TUSC3: variants seen among roughly 807,000 people sequenced by gnomAD.
TUSC3 encodes tumor suppressor candidate 3, also known as dolichyl-diphosphooligosaccharide--protein glycosyltransferase subunit TUSC3.
Under a neutral mutation model 44.8 loss-of-function variants are expected in TUSC3, and 45 were observed. The observed-to-expected ratio is 1.00, with a 90% confidence interval of 0.79 to 1.29. The LOEUF (loss-of-function observed/expected upper bound fraction) is 1.29. Among genes scored for constraint, TUSC3 ranks in the 50% most tolerant of loss-of-function variants. The probability of loss-of-function intolerance (pLI) is 0.00; values close to 1 mark genes in which losing one functional copy is unlikely to be tolerated. For missense variants in TUSC3, 519 were observed against 437.9 expected, an observed-to-expected ratio of 1.19 and a Z score of -1.65; for synonymous variants, 212 against 152.9, an observed-to-expected ratio of 1.39 and a Z score of -2.85.
chr8:15,603,602 T>C (rs778426206), intron 1 of TUSC3, among the ~76,000 whole-genome samples: 1 of 151,628 alleles, frequency 6.6e-6, no homozygotes, highest in Non-Finnish European at 1.5e-5. Flanking sequence ...TATAAAAATA[T>C]GATATGGTAA....
chr8:15,679,615 A>AT (rs1244300225), intron 6 of TUSC3, among the ~76,000 whole-genome samples: 1 of 152,030 alleles, frequency 6.6e-6, no homozygotes, highest in Non-Finnish European at 1.5e-5. Context: ...CCACTTGTCA[A>AT]TTTTTGTTTT....
intron 3 of TUSC3, among the ~76,000 whole-genome samples, chr8:15,654,550 A>G (rs1807070112): frequency 1.3e-5 from 2 of 152,224 alleles, no homozygotes; most frequent in South Asian, 4.1e-4. Flanking sequence ...TTTACAAATC[A>G]GTCTTCTAAT....
upstream of TUSC3, among the ~76,000 whole-genome samples, chr8:15,536,878 C>G (rs59776978): frequency 6.6e-6 from 1 of 151,540 alleles, no homozygotes; most frequent in Admixed American, 6.6e-5. Flanking sequence ...AAATTCTCAT[C>G]AGATGGATTT....
At chr8:15,739,240 CTA>C (rs749510608) in intron 7 of TUSC3, among the ~76,000 whole-genome samples, 9 of 152,042 alleles carry the variant, frequency 5.9e-5, no homozygotes, top group Non-Finnish European at 1.2e-4. Flanking sequence ...TAATTTTTCA[CTA>C]TATAAATTAT....
chr8:15,764,272 T>C lies in TUSC3; in HGVS notation c.*116T>C, dbSNP rs1812266319. The C allele has an allele frequency of 1.3e-6, 2 of 1,564,830 alleles. No homozygotes were observed. Among genetic ancestry groups the C allele is most frequent in the Admixed American group, 3.4e-5 (2 of 59,270 alleles). ...GTTTACCATGAAGATAAACTGTTCC[T>C]GACTTTATACTATTTTGAATTCATT... On this transcript the variant is annotated 3_prime_UTR_variant, in exon 11 of 11. Transcript: ENST00000503731.
the TUSC3 span, among the ~76,000 whole-genome samples, chr8:15,789,124 A>G: frequency 6.6e-6 from 1 of 151,988 alleles, no homozygotes; most frequent in Admixed American, 6.6e-5. Context: ...CATTATCCAC[A>G]TTTTCCCAGA....
the TUSC3 span, among the ~76,000 whole-genome samples, chr8:15,808,378 TTTAC>T: frequency 3.5e-3 from 534 of 152,296 alleles, 5 homozygotes; most frequent in African/African-American, 0.012. Context: ...AAATGATACA[TTTAC>T]TTATGTAACA....
At chr8:15,585,619 C>T (rs1001074301) in intron 1 of TUSC3, among the ~76,000 whole-genome samples, 44 of 152,142 alleles carry the variant, frequency 2.9e-4, no homozygotes, top group Admixed American at 2.6e-4. Flanking sequence ...GCCTGTGGGC[C>T]CTTAGCCTAG....
chr8:15,828,148 C>A, the TUSC3 span, among the ~76,000 whole-genome samples: 1 of 152,096 alleles, frequency 6.6e-6, no homozygotes, highest in East Asian at 1.9e-4. Context: ...GCATGCACCA[C>A]CACACCTGGC....
intron 1 of TUSC3, among the ~76,000 whole-genome samples, chr8:15,613,039 T>C (rs867309064): frequency 2.7e-5 from 4 of 147,314 alleles, no homozygotes; most frequent in African/African-American, 1.0e-4. Flanking sequence ...CCATCGCATA[T>C]CAATATAAGC....
chr8:15,772,454 A>T, the TUSC3 span, among the ~76,000 whole-genome samples: 21 of 152,328 alleles, frequency 1.4e-4, no homozygotes, highest in Non-Finnish European at 5.9e-5. Flanking sequence ...AAACAACCAA[A>T]CTATGAAAAT....
At chr8:15,791,655 TC>T in the TUSC3 span, among the ~76,000 whole-genome samples, 4 of 152,184 alleles carry the variant, frequency 2.6e-5, no homozygotes, top group African/African-American at 9.7e-5. Flanking sequence ...CAAAACCATT[TC>T]CTTTCTTCTT....
In TUSC3 at chr8:15,581,861, C is replaced by T. The variant is rs538273415; in HGVS notation, c.139-41219C>T. Among the ~76,000 whole-genome samples, 63 of 92,110 alleles carry T rather than the reference C, an allele frequency of 6.8e-4. 2 individuals are homozygous for T. The highest frequency in any genetic ancestry group is 5.6e-3 in the Middle Eastern group (1 of 178). The allele number at this position is 92,110 out of a possible 152,430, so 60.4% of individuals were successfully genotyped here. On this transcript the variant is annotated intron_variant, in intron 1 of 10. Transcript: ENST00000503731. ...TGGGCTCCACCCAGTTGGAGCTTCC[C>T]GTTTACCTAATCAAGCCTGGGCAAT...
intron 6 of TUSC3, among the ~76,000 whole-genome samples, chr8:15,692,164 G>T (rs1409634336): frequency 6.6e-6 from 1 of 152,128 alleles, no homozygotes; most frequent in Non-Finnish European, 1.5e-5. Flanking sequence ...GCATACCAGG[G>T]ATAAAGACTA....
chr8:15,744,881 G>C (rs894371294), intron 8 of TUSC3, among the ~76,000 whole-genome samples: 3 of 151,988 alleles, frequency 2.0e-5, no homozygotes, highest in African/African-American at 4.8e-5. Flanking sequence ...CTGAGGTTTA[G>C]GTAAGGATCT....
At chr8:15,529,604 C>T (rs189728720) in intron 2 of TUSC3, among the ~76,000 whole-genome samples, 2 of 152,066 alleles carry the variant, frequency 1.3e-5, no homozygotes, top group African/African-American at 4.8e-5. Flanking sequence ...AAAATACTAA[C>T]ATTACTTAGA....
chr8:15,470,734 G>A (rs1800480873), intron 1 of TUSC3, among the ~76,000 whole-genome samples: 1 of 152,100 alleles, frequency 6.6e-6, no homozygotes, highest in South Asian at 2.1e-4. Flanking sequence ...AGTGGAGTTG[G>A]CATTTTCTCC....
intron 2 of TUSC3, among the ~76,000 whole-genome samples, chr8:15,518,011 C>G (rs1011565933): frequency 1.3e-5 from 2 of 151,880 alleles, no homozygotes; most frequent in African/African-American, 2.4e-5. Flanking sequence ...CACATTCGCA[C>G]CTGTTCCTAC....
the TUSC3 span, among the ~76,000 whole-genome samples, chr8:15,849,343 T>C: frequency 2.0e-5 from 3 of 152,134 alleles, no homozygotes; most frequent in Non-Finnish European, 4.4e-5. Context: ...TACTTCCCAG[T>C]GGGGAGTTGC....
Sources: gnomAD v4.1 joint callset for allele counts (sites outside exome capture counted in the v4.1 genomes callset) on GRCh38, gnomAD v4.1.1 for gene constraint, MANE v1.5 for transcripts, NCBI Gene and HGNC (gene_info 2026-07-23, HGNC 2026-07-21) for gene names.